The following TTC7A variants were observed in gnomAD, a reference collection of about 807,000 sequenced individuals.
TTC7A encodes the protein tetratricopeptide repeat protein 7A.
In TTC7A, 110 loss-of-function variants were observed where a neutral mutation model predicts 103.7. That is an observed-to-expected ratio of 1.06 (90% CI 0.91 to 1.24). The LOEUF is 1.24. TTC7A is among the 50% of genes most tolerant of loss of function. The pLI is 0.00. For missense variants in TTC7A, 1,340 were observed against 1,116.3 expected, an observed-to-expected ratio of 1.20 and a Z score of -2.86; for synonymous variants, 521 against 467.9, an observed-to-expected ratio of 1.11 and a Z score of -1.47.
rs767766385 is a variant in TTC7A at position 47,006,061 on chromosome 2, T to C, written c.1203+2T>C. 2.5e-6 allele frequency: 4 copies of C among 1,612,016 alleles called. No individual in the cohort carries two copies. The highest frequency in any genetic ancestry group is 1.7e-5 in the Admixed American group (1 of 59,954). On this transcript the variant is annotated splice_donor_variant, in intron 9 of 19. Transcript: ENST00000319190. LOFTEE classifies it high-confidence loss of function. ...GGACAGTACGTCATGCTCTCGGAGG[T>C]ACGGCCGGCCATGCAGCCCACCCCA...
At chr2:46,955,881 C>T (rs1356151133) in intron 2 of TTC7A, among the ~76,000 whole-genome samples, 4 of 152,130 alleles carry the variant, frequency 2.6e-5, no homozygotes, top group African/African-American at 4.8e-5. Flanking sequence ...GCCTGTGTGG[C>T]GGGAGCAGTG....
intron 18 of TTC7A, among the ~76,000 whole-genome samples, chr2:47,059,686 AAG>A (rs1375846621): frequency 2.0e-5 from 3 of 152,110 alleles, no homozygotes; most frequent in Admixed American, 6.5e-5. Context: ...AACACTGAAA[AAG>A]AGGCTGGAGT....
At chr2:46,934,885 C>T (rs1669897649) in intron 2 of TTC7A, among the ~76,000 whole-genome samples, 1 of 145,772 alleles carries the variant, frequency 6.9e-6, no homozygotes, top group Non-Finnish European at 1.5e-5. Context: ...ACTGCAACCT[C>T]CGCCTCCCGG....
chr2:47,028,076 C>T (rs919713278), intron 14 of TTC7A, among the ~76,000 whole-genome samples: 3 of 152,042 alleles, frequency 2.0e-5, no homozygotes, highest in South Asian at 2.1e-4. Context: ...AGAGGGGCCT[C>T]GGGTGTCTTT....
rs70940652 is a variant in TTC7A, at chr2:47,017,200, CAAAAAAAAAAAAAAA to C, written c.1393-4648_1393-4634del. 3.4e-3 allele frequency among the ~76,000 whole-genome samples: 121 copies of C among 35,594 alleles called. 2 individuals carry two copies. The South Asian group carries it at 0.13, about 39-fold the overall frequency. The allele number at this position is 35,594 out of a possible 152,430, so 23.4% of individuals were successfully genotyped here. ...GGGCAACAAGAGCGACACTCTGTCT[CAAAAAAAAAAAAAAA>C]AAAAAAAAAAAAATTTGAGACTGGG... On this transcript the variant is annotated intron_variant, in intron 11 of 19. Coordinates refer to ENST00000319190, the MANE Select transcript of TTC7A (RefSeq NM_020458.4).
intron 3 of TTC7A, among the ~76,000 whole-genome samples, chr2:46,974,176 C>T (rs1051481723): frequency 6.6e-6 from 1 of 152,172 alleles, no homozygotes; most frequent in Non-Finnish European, 1.5e-5. Context: ...GACTTTATTC[C>T]AAAGCTTAGC....
intron 5 of TTC7A, 81 bp from the exon 6 acceptor site, chr2:46,993,369 T>G: frequency 7.5e-7 from 1 of 1,339,302 alleles, no homozygotes; most frequent in Non-Finnish European, 1.1e-6. Flanking sequence ...CAGCTCCTCC[T>G]GGGGTCTGCT....
chr2:46,941,944 C>G lies in TTC7A; in HGVS notation c.184+219C>G. On this transcript the variant is annotated intron_variant, in intron 1 of 19. Transcript: ENST00000319190. The surrounding 1 kb of genome is among the most constrained non-coding windows in gnomAD (Gnocchi z 4.2). ...GGAGGGAAGAGAAACGGCTTTTGCT[C>G]TGTGTCCTTTAGGATAATGTGGCTA... 1 of 618,176 alleles carries G rather than the reference C, an allele frequency of 1.6e-6. No homozygotes were observed. Among genetic ancestry groups the G allele is most frequent in the East Asian group, 2.8e-5 (1 of 36,002 alleles). The allele number at this position is 618,176 out of a possible 1,614,324, so 38.3% of individuals were successfully genotyped here.
intron 4 of TTC7A, among the ~76,000 whole-genome samples, chr2:46,977,833 A>G (rs1018070132): frequency 1.3e-5 from 2 of 152,128 alleles, no homozygotes; most frequent in Non-Finnish European, 2.9e-5. Context: ...TCGGCCTCCC[A>G]AAGTGCTAGG....
chr2:47,034,184 C>T (rs534528919), intron 15 of TTC7A: 19 of 152,188 alleles, frequency 1.2e-4, no homozygotes, highest in African/African-American at 3.9e-4. Flanking sequence ...CCAGACACCC[C>T]GAGCAGCTTC....
chr2:46,948,380 T>C lies in TTC7A; in HGVS notation c.185-1983T>C, dbSNP rs549952367. The stretch of plus-strand genomic sequence containing the variant: ...AATAATTTTGATGTACGTTGCCAAA[T>C]TACCCTAGAGGTTCTACCAACTTAT... On this transcript the variant is annotated intron_variant, in intron 1 of 19. Coordinates refer to ENST00000319190, the MANE Select transcript of TTC7A (RefSeq NM_020458.4). Among the ~76,000 whole-genome samples the C allele has an allele frequency of 9.2e-5, 14 of 152,338 alleles. No homozygotes were observed. The East Asian group carries it at 2.7e-3, about 29-fold the overall frequency.
At chr2:46,948,346 A>G (rs531733171) in intron 1 of TTC7A, among the ~76,000 whole-genome samples, 1 of 152,254 alleles carries the variant, frequency 6.6e-6, no homozygotes, top group South Asian at 2.1e-4. Context: ...ATCTATGGGG[A>G]TGTTCAAAAA....
At chr2:46,998,956 G>A (rs891375001) in intron 8 of TTC7A, among the ~76,000 whole-genome samples, 2 of 152,090 alleles carry the variant, frequency 1.3e-5, no homozygotes, top group Non-Finnish European at 2.9e-5. Flanking sequence ...GATGATTTCT[G>A]TTTTGGACCT....
At chr2:46,986,510 T>TG (rs1190061205) in intron 5 of TTC7A, among the ~76,000 whole-genome samples, 2 of 128,870 alleles carry the variant, frequency 1.6e-5, no homozygotes, top group African/African-American at 5.9e-5. Flanking sequence ...TGCTCTGTGC[T>TG]GGGGGGGAAA....
In TTC7A at chr2:47,006,694, G is replaced by A. The variant is rs1677442808; in HGVS notation, c.1257G>A (p.Gln419=). The A allele has an allele frequency of 1.2e-6, 2 of 1,614,178 alleles. No individual in the cohort carries two copies. Among genetic ancestry groups the A allele is most frequent in the Non-Finnish European group, 1.7e-6 (2 of 1,180,004 alleles). Residue 419 remains glutamine (Q), a synonymous_variant, in exon 10 of 20, where the codon CAG becomes CAA. Transcript: ENST00000319190. ...FAFGEFHLWY[Q]VALSMVACGK... ...TTGGAGAATTTCACCTTTGGTACCAGGTGGCCCTCTCCATGGTGGCTTGTG... is the reference window on the plus strand; with the variant it reads ...TTGGAGAATTTCACCTTTGGTACCAAGTGGCCCTCTCCATGGTGGCTTGTG...
At chr2:47,045,538 C>T (rs923955919) in intron 15 of TTC7A, 8 of 152,186 alleles carry the variant, frequency 5.3e-5, no homozygotes, top group Admixed American at 3.3e-4. Flanking sequence ...GTTTTCAGGT[C>T]GAAAGAAATT....
At chr2:46,975,154 T>C (rs886407838) in intron 4 of TTC7A, 51 bp downstream of exon 4, 1 of 1,605,668 alleles carries the variant, frequency 6.2e-7, no homozygotes, top group Non-Finnish European at 8.5e-7. Context: ...TGAGCACCTA[T>C]GTCTATGGAT....
At chr2:46,997,167 C>T (rs1370767881) in intron 8 of TTC7A, among the ~76,000 whole-genome samples, 2 of 152,016 alleles carry the variant, frequency 1.3e-5, no homozygotes, top group Non-Finnish European at 2.9e-5. Flanking sequence ...TTAGTAGAGA[C>T]GGGGTTTCAC....
In TTC7A at chr2:47,011,317, CT is replaced by C. The variant is rs1678020395; in HGVS notation, c.1288-7del. Reference sequence around the variant, plus strand: ...ACTGTGAGTGACAGTGTTTCCTGCTCTTTTTTTCTGCAGTCAGCCTACGCTG... The same window carrying C: ...ACTGTGAGTGACAGTGTTTCCTGCTCTTTTTTCTGCAGTCAGCCTACGCTG... On this transcript the variant is annotated splice_polypyrimidine_tract_variant and intron_variant, in intron 10 of 19. Transcript: ENST00000319190. 6 of 1,611,608 alleles carry C rather than the reference CT, an allele frequency of 3.7e-6. No individual in the cohort carries two copies. Among genetic ancestry groups the C allele is most frequent in the Non-Finnish European group, 5.1e-6 (6 of 1,178,594 alleles).
Sources: allele counts gnomAD v4.1 joint callset (sites outside exome capture counted in the v4.1 genomes callset), GRCh38; gene constraint gnomAD v4.1.1; non-coding constraint Gnocchi (gnomAD v3.1); transcripts MANE v1.5; gene names NCBI Gene and HGNC (gene_info 2026-07-23, HGNC 2026-07-21).